The following LRRC69 variants were observed in gnomAD, a reference collection of about 807,000 sequenced individuals.
LRRC69 encodes leucine-rich repeat-containing protein 69.
In LRRC69, 42 loss-of-function variants were observed where a neutral mutation model predicts 37.8. That is an observed-to-expected ratio of 1.11 (90% CI 0.87 to 1.44). The LOEUF is 1.44. Among genes scored for constraint, LRRC69 ranks in the 40% most tolerant of loss-of-function variants. The pLI, the probability that LRRC69 is intolerant of heterozygous loss-of-function variation, is 0.00. For synonymous variants in LRRC69, 141 were observed against 143.1 expected, an observed-to-expected ratio of 0.99 and a Z score of 0.11; for missense variants, 357 against 401.9, an observed-to-expected ratio of 0.89 and a Z score of 0.96.
intron 1 of LRRC69, among the ~76,000 whole-genome samples, chr8:91,103,117 A>T (rs1158338913): frequency 6.6e-6 from 1 of 152,044 alleles, no homozygotes; most frequent in Non-Finnish European, 1.5e-5. Context: ...ATCTTTTTAG[A>T]GGCTGTCATC....
chr8:91,200,085 C>T (rs1022313117), intron 6 of LRRC69, among the ~76,000 whole-genome samples: 1 of 152,070 alleles, frequency 6.6e-6, no homozygotes, highest in African/African-American at 2.4e-5. Context: ...TTTCAATATG[C>T]GTATAGATTA....
chr8:91,200,673 G>T, exon 7 of LRRC69: 1 of 1,484,108 alleles, frequency 6.7e-7, no homozygotes, highest in Non-Finnish European at 8.9e-7. Flanking sequence ...CCTAATGGAT[G>T]ACATAGAACG....
chr8:91,178,922 TCTC>T, intron 5 of LRRC69, among the ~76,000 whole-genome samples: 1 of 152,156 alleles, frequency 6.6e-6, no homozygotes, highest in Non-Finnish European at 1.5e-5. Context: ...TGCTTTTTCT[TCTC>T]CTGTATGATT....
chr8:91,122,548 G>A (rs937730999), intron 1 of LRRC69, among the ~76,000 whole-genome samples: 1 of 151,960 alleles, frequency 6.6e-6, no homozygotes, highest in African/African-American at 2.4e-5. Context: ...AGTAGTAAAC[G>A]GTCCCTTGTA....
At chr8:91,158,673 T>A in intron 5 of LRRC69, 1 of 1,251,318 alleles carries the variant, frequency 8.0e-7, no homozygotes, top group Non-Finnish European at 1.2e-6. Context: ...GTTACTCCAC[T>A]GCCATGTGAC....
At chr8:91,132,550 T>A (rs112217705) in intron 3 of LRRC69, among the ~76,000 whole-genome samples, 9 of 152,184 alleles carry the variant, frequency 5.9e-5, no homozygotes, top group African/African-American at 2.2e-4. Flanking sequence ...CAGACTCAAA[T>A]TTCCTTAACC....
At chr8:91,131,364 G>A (rs555516716) in intron 3 of LRRC69, among the ~76,000 whole-genome samples, 5 of 151,230 alleles carry the variant, frequency 3.3e-5, no homozygotes, top group African/African-American at 1.2e-4. Context: ...ATGAGCCACA[G>A]CACCCAGCCC....
At position 91,140,907 on chromosome 8, in the gene LRRC69, C is replaced by A. The variant is rs542450314; in HGVS notation, c.651+5168C>A. Among the ~76,000 whole-genome samples, 125 of 17,404 alleles carry A rather than the reference C, an allele frequency of 7.2e-3. 43 individuals carry two copies. The highest frequency in any genetic ancestry group is 0.03 in the African/African-American group (102 of 3,394). 11.4% of individuals were successfully genotyped at this position (17,404 alleles called of 152,430 possible). A position where few individuals can be genotyped will look rare whatever the true frequency, so the allele number is the denominator to read the frequency against. On this transcript the variant is annotated intron_variant, in intron 5 of 7. Coordinates refer to ENST00000448384, the Ensembl canonical transcript of LRRC69. ...TGACCTCGTGATCCGCCCGCCTCGG[C>A]CTCCCAAAGTGCTGGGATTACAGGC...
chr8:91,131,456 G>C (rs1229962158), intron 3 of LRRC69, among the ~76,000 whole-genome samples: 2 of 151,700 alleles, frequency 1.3e-5, no homozygotes, highest in Non-Finnish European at 2.9e-5. Flanking sequence ...TTAAAAAGTT[G>C]ATATCTTAGC....
At chr8:91,214,514 A>G (rs866762598) in intron 7 of LRRC69, among the ~76,000 whole-genome samples, 17 of 152,178 alleles carry the variant, frequency 1.1e-4, no homozygotes, top group African/African-American at 3.9e-4. Context: ...GAATCATACA[A>G]TGACTAACAC....
intron 6 of LRRC69, among the ~76,000 whole-genome samples, chr8:91,198,328 G>A (rs1809654110): frequency 1.3e-5 from 2 of 152,254 alleles, no homozygotes; most frequent in East Asian, 3.9e-4. Context: ...GGGAAGTTAA[G>A]GGTTCATCCA....
intron 3 of LRRC69, among the ~76,000 whole-genome samples, chr8:91,128,912 A>G (rs1813762090): frequency 6.6e-6 from 1 of 151,978 alleles, no homozygotes; most frequent in Admixed American, 6.6e-5. Flanking sequence ...AAGGCTGTGA[A>G]TGGGGTGGTA....
At chr8:91,206,799 A>G (rs755039408) in intron 7 of LRRC69, 2 of 1,289,764 alleles carry the variant, frequency 1.6e-6, no homozygotes, top group Admixed American at 2.3e-5. Context: ...TTAATGTCCA[A>G]AATAACCCCA....
At chr8:91,194,429 T>C (rs1344703910) in intron 6 of LRRC69, among the ~76,000 whole-genome samples, 4 of 151,882 alleles carry the variant, frequency 2.6e-5, no homozygotes, top group Non-Finnish European at 2.9e-5. Context: ...ATGGTACCAG[T>C]TCCTCCTTGT....
chr8:91,196,006 C>G (rs1211099137), intron 6 of LRRC69, among the ~76,000 whole-genome samples: 1 of 152,118 alleles, frequency 6.6e-6, no homozygotes, highest in South Asian at 2.1e-4. Flanking sequence ...CCATGTTTAG[C>G]GCTTCCTTCA....
At chr8:91,127,711 C>T (rs1461052811) in intron 3 of LRRC69, among the ~76,000 whole-genome samples, 1 of 149,010 alleles carries the variant, frequency 6.7e-6, no homozygotes, top group Non-Finnish European at 1.5e-5. Context: ...CTTCTGTAGG[C>T]AAAACACGCT....
intron 1 of LRRC69, among the ~76,000 whole-genome samples, chr8:91,116,613 G>T (rs1030271198): frequency 6.6e-6 from 1 of 151,854 alleles, no homozygotes; most frequent in African/African-American, 2.4e-5. Context: ...TTAAAGATGC[G>T]CAGTGTATTA....
At chr8:91,151,962 C>T (rs542981378) in intron 5 of LRRC69, among the ~76,000 whole-genome samples, 17 of 150,892 alleles carry the variant, frequency 1.1e-4, no homozygotes, top group African/African-American at 3.9e-4. Context: ...GAAGTGTGTT[C>T]GTGTCCTTTG....
intron 5 of LRRC69, among the ~76,000 whole-genome samples, chr8:91,179,072 G>T (rs542887713): frequency 2.5e-4 from 38 of 152,316 alleles, no homozygotes; most frequent in Non-Finnish European, 5.0e-4. Context: ...GATTAAATGA[G>T]ACATGGGATT....
Sources: gnomAD v4.1 joint callset for allele counts (sites outside exome capture counted in the v4.1 genomes callset) on GRCh38, gnomAD v4.1.1 for gene constraint, MANE v1.5 for transcripts, NCBI Gene and HGNC (gene_info 2026-07-23, HGNC 2026-07-21) for gene names.